ADGRL2: variants seen among roughly 807,000 people sequenced by gnomAD.
ADGRL2 encodes the protein calcium-independent alpha-latrotoxin receptor 2.
ADGRL2 carries 44 observed loss-of-function variants against 157.4 expected under a neutral mutation model. That is an observed-to-expected ratio of 0.28 (90% CI 0.22 to 0.36). The LOEUF (loss-of-function observed/expected upper bound fraction) is 0.36, where lower values mean the gene tolerates loss of function less well. ADGRL2 is among the 10% of genes least tolerant of loss of function. The pLI, the probability that ADGRL2 is intolerant of heterozygous loss-of-function variation, is 1.00. For missense variants in ADGRL2, 1,510 were observed against 1,768.9 expected (o/e 0.85, Z 2.63); for synonymous variants, 585 against 624.7 (o/e 0.94, Z 0.95).
At chr1:81,333,631 T>G (rs1372151405) in intron 1 of ADGRL2, among the ~76,000 whole-genome samples, 1 of 152,056 alleles carries the variant, frequency 6.6e-6, no homozygotes, top group Non-Finnish European at 1.5e-5. Context: ...TTGGCCAGGC[T>G]GGTCTTGAAC....
chr1:81,369,373 T>A (rs778119071), intron 1 of ADGRL2, among the ~76,000 whole-genome samples: 2 of 152,226 alleles, frequency 1.3e-5, no homozygotes, highest in Non-Finnish European at 1.5e-5. Flanking sequence ...TGAATTTTAG[T>A]GACTTCTTTT....
At chr1:81,649,430 T>C (rs1204287832) in intron 3 of ADGRL2, among the ~76,000 whole-genome samples, 2 of 152,196 alleles carry the variant, frequency 1.3e-5, no homozygotes, top group Non-Finnish European at 2.9e-5. Flanking sequence ...GGGAAATCTT[T>C]TAATGTGGAA....
intron 1 of ADGRL2, among the ~76,000 whole-genome samples, chr1:81,835,037 G>A (rs2092194262): frequency 6.6e-6 from 1 of 152,070 alleles, no homozygotes; most frequent in Non-Finnish European, 1.5e-5. Flanking sequence ...GCAGTCATCA[G>A]TCCCTGATTT....
At chr1:81,791,656 A>G (rs963269664) in intron 2 of ADGRL2, among the ~76,000 whole-genome samples, 1 of 150,704 alleles carries the variant, frequency 6.6e-6, no homozygotes, top group Non-Finnish European at 1.5e-5. Context: ...TGAGCAGGTT[A>G]AAAAAAAATA....
chr1:81,411,293 AT>A (rs1442218947), intron 1 of ADGRL2, among the ~76,000 whole-genome samples: 1 of 152,294 alleles, frequency 6.6e-6, no homozygotes, highest in East Asian at 1.9e-4. Flanking sequence ...TGGGAAAGAT[AT>A]TTTTCACAAG....
rs1316123087 is a variant in ADGRL2 at position 81,943,165 on chromosome 1, A to G, written c.606A>G (p.Thr202=). 2 of 1,613,594 alleles carry G rather than the reference A, an allele frequency of 1.2e-6. No individual in the cohort carries two copies. ...AAGATTTCCAAAATAGTCGCCAAAC[A>G]ACAACATATAAACTTCCAAATCGAG... ...SLEDFQNSRQ[T]TTYKLPNRVD... The change falls in exon 6 of 24, where the codon ACA becomes ACG. Residue 202 remains threonine, a synonymous_variant. Coordinates refer to ENST00000686636, the MANE Select transcript of ADGRL2 (RefSeq NM_001366006.2). This position sits in a 1 kb window ranked among gnomAD's most constrained non-coding sequence, Gnocchi z 5.6.
intron 1 of ADGRL2, among the ~76,000 whole-genome samples, chr1:81,732,055 C>T (rs1346300679): frequency 6.6e-6 from 1 of 152,094 alleles, no homozygotes; most frequent in Non-Finnish European, 1.5e-5. Flanking sequence ...TTGCTGTTAA[C>T]ACAGTCAAGG....
In ADGRL2 at chr1:81,408,320, T is replaced by TA. The variant is rs1443347713; in HGVS notation, c.-301-36716_-301-36715insA. 7.2e-5 allele frequency among the ~76,000 whole-genome samples: 11 copies of TA among 152,184 alleles called. No individual in the cohort carries two copies. In the East Asian group the frequency reaches 2.1e-3, roughly 29 times the overall value. ...TGCACTGTAACACAGAATGCTCATTTTTTTTAAATTTCTTCCTATTTCTTC... is the reference window on the plus strand; with the variant it reads ...TGCACTGTAACACAGAATGCTCATTTATTTTTAAATTTCTTCCTATTTCTTC... On this transcript the variant is annotated intron_variant, in intron 1 of 24. Coordinates refer to the ADGRL2 transcript ENST00000370721.
intron 2 of ADGRL2, among the ~76,000 whole-genome samples, chr1:81,456,207 C>A (rs1318060765): frequency 6.6e-6 from 1 of 151,822 alleles, no homozygotes; most frequent in Non-Finnish European, 1.5e-5. Flanking sequence ...TTGTATTATA[C>A]ACTTGTTTTT....
At chr1:81,456,849 T>C (rs2101775032) in intron 2 of ADGRL2, among the ~76,000 whole-genome samples, 1 of 152,238 alleles carries the variant, frequency 6.6e-6, no homozygotes, top group Admixed American at 6.5e-5. Context: ...CCTTTTGTCT[T>C]CTGTTTTCCT....
intron 2 of ADGRL2, among the ~76,000 whole-genome samples, chr1:81,849,316 AGAAC>A (rs1214830212): frequency 6.6e-6 from 1 of 151,960 alleles, no homozygotes; most frequent in African/African-American, 2.4e-5. Context: ...ACAGCCTAGA[AGAAC>A]AAAGCATATT....
At chr1:81,732,042 T>C (rs1454928131) in intron 1 of ADGRL2, among the ~76,000 whole-genome samples, 2 of 152,212 alleles carry the variant, frequency 1.3e-5, no homozygotes, top group Non-Finnish European at 2.9e-5. Context: ...TGTAACCTAC[T>C]TATTGCTGTT....
intron 2 of ADGRL2, among the ~76,000 whole-genome samples, chr1:81,534,134 A>G (rs563033384): frequency 2.0e-5 from 3 of 152,020 alleles, no homozygotes; most frequent in South Asian, 2.1e-4. Context: ...AAGTTATTTT[A>G]TTTTATTTCA....
At chr1:81,312,281 A>G (rs973731201) in intron 1 of ADGRL2, among the ~76,000 whole-genome samples, 2 of 152,230 alleles carry the variant, frequency 1.3e-5, no homozygotes, top group Non-Finnish European at 2.9e-5. Flanking sequence ...ACCCGGGCGG[A>G]CGCCATCACC....
Position 81,993,928 on chromosome 1 carries a change from GGC to G in ADGRL2, c.*2784_*2785del. The G allele has an allele frequency of 4.1e-6, 1 of 244,110 alleles. No individual in the cohort carries two copies. The highest frequency in any genetic ancestry group is 8.5e-6 in the Non-Finnish European group (1 of 118,110). The allele number at this position is 244,110 out of a possible 1,614,324, so 15.1% of individuals were successfully genotyped here. A position where few individuals can be genotyped will look rare whatever the true frequency, so the allele number is the denominator to read the frequency against. On this transcript the variant is annotated 3_prime_UTR_variant, in exon 24 of 24. Coordinates refer to ENST00000686636, the MANE Select transcript of ADGRL2 (RefSeq NM_001366006.2). ...TAATAATAATAAACGTTATCTTGTT[GGC>G]CAGACTGGTCTCCAACTCCTGGTCT...
rs114479501 is a variant in ADGRL2, at chr1:81,480,602, G to A, written c.-248+35513G>A. On this transcript the variant is annotated intron_variant, in intron 2 of 24. Transcript: ENST00000370721. ...GATATAGCTGACCATATTAGGGAAA[G>A]GAAGTATACATTTTAAAAATTTACT... Among the ~76,000 whole-genome samples, 695 of 152,224 alleles carry A rather than the reference G, an allele frequency of 4.6e-3. 3 individuals are homozygous for A. The highest frequency in any genetic ancestry group is 0.016 in the African/African-American group (664 of 41,556).
intron 3 of ADGRL2, among the ~76,000 whole-genome samples, chr1:81,923,524 T>C (rs1053765081): frequency 6.6e-6 from 1 of 152,166 alleles, no homozygotes; most frequent in African/African-American, 2.4e-5. Context: ...CCCAAGAGTC[T>C]ATGTCTCTAG....
intron 2 of ADGRL2, among the ~76,000 whole-genome samples, chr1:81,564,821 T>G (rs1557466211): frequency 6.6e-6 from 1 of 152,128 alleles, no homozygotes; most frequent in African/African-American, 2.4e-5. Context: ...GAGGACTATG[T>G]TCAGTTGACT....
At chr1:81,874,635 TTGTCC>T (rs1210488629) in intron 2 of ADGRL2, among the ~76,000 whole-genome samples, 2 of 112,770 alleles carry the variant, frequency 1.8e-5, no homozygotes, top group African/African-American at 6.0e-5. Flanking sequence ...TTGTCTTGTC[TTGTCC>T]TGTCCTGTCC....
Sources: gnomAD v4.1 joint callset for allele counts (sites outside exome capture counted in the v4.1 genomes callset) on GRCh38, gnomAD v4.1.1 for gene constraint, Gnocchi (gnomAD v3.1) non-coding constraint, MANE v1.5 for transcripts, NCBI Gene and HGNC (gene_info 2026-07-23, HGNC 2026-07-21) for gene names.